The following AGBL4 variants were observed in gnomAD, a reference collection of about 807,000 sequenced individuals.
AGBL4 encodes the protein cytosolic carboxypeptidase 6.
A neutral mutation model predicts 66.4 loss-of-function variants in AGBL4; 58 were observed. That is an observed-to-expected ratio of 0.87 (90% CI 0.71 to 1.09). AGBL4 has a LOEUF of 1.09. AGBL4 is among the 50% of genes least tolerant of loss of function. AGBL4 has a pLI of 0.00. For missense variants in AGBL4, 579 were observed against 631.0 expected, an observed-to-expected ratio of 0.92 and a Z score of 0.88; for synonymous variants, 234 against 222.9, an observed-to-expected ratio of 1.05 and a Z score of -0.44.
chr1:49,861,271 C>T (rs1031305726), intron 1 of AGBL4, among the ~76,000 whole-genome samples: 6 of 152,124 alleles, frequency 3.9e-5, no homozygotes, highest in Non-Finnish European at 8.8e-5. Flanking sequence ...GGAAGGGGCA[C>T]GTGAGATACT....
chr1:49,071,147 A>C (rs1000075864), intron 4 of AGBL4, among the ~76,000 whole-genome samples: 1 of 151,692 alleles, frequency 6.6e-6, no homozygotes, highest in Non-Finnish European at 1.5e-5. Flanking sequence ...CTTCTTTATT[A>C]GTCTGGCTTG....
At chr1:48,597,241 C>A (rs1480648785) in intron 9 of AGBL4, among the ~76,000 whole-genome samples, 2 of 152,182 alleles carry the variant, frequency 1.3e-5, no homozygotes, top group Non-Finnish European at 2.9e-5. Flanking sequence ...CTTATTCATT[C>A]ATCCATTCAT....
chr1:48,825,507 AC>A (rs1240999364), intron 6 of AGBL4, among the ~76,000 whole-genome samples: 1 of 152,162 alleles, frequency 6.6e-6, no homozygotes, highest in Non-Finnish European at 1.5e-5. Flanking sequence ...ATTGTTTAAT[AC>A]TTTCCACCTT....
At chr1:49,876,987 G>C (rs1302509332) in intron 1 of AGBL4, among the ~76,000 whole-genome samples, 8 of 151,616 alleles carry the variant, frequency 5.3e-5, no homozygotes, top group Non-Finnish European at 8.8e-5. Context: ...AGGAATGCTT[G>C]TGATTTTTGT....
chr1:49,807,959 A>G (rs966981933), intron 2 of AGBL4, among the ~76,000 whole-genome samples: 1 of 152,228 alleles, frequency 6.6e-6, no homozygotes, highest in Non-Finnish European at 1.5e-5. Flanking sequence ...ACCAGATGTC[A>G]AATCTGCCAA....
chr1:48,645,801 G>A (rs769738021), intron 8 of AGBL4, among the ~76,000 whole-genome samples: 6 of 152,092 alleles, frequency 3.9e-5, no homozygotes, highest in Non-Finnish European at 8.8e-5. Flanking sequence ...TCCTTCAGTC[G>A]TGGACACCCC....
intron 11 of AGBL4, among the ~76,000 whole-genome samples, chr1:48,551,211 G>C (rs1434403199): frequency 5.9e-5 from 9 of 152,182 alleles, no homozygotes; most frequent in African/African-American, 2.2e-4. Flanking sequence ...CGTTGTGCAT[G>C]TATTTAGAAG....
At chr1:48,911,445 G>C (rs1012194177) in intron 5 of AGBL4, among the ~76,000 whole-genome samples, 1 of 151,784 alleles carries the variant, frequency 6.6e-6, no homozygotes, top group Non-Finnish European at 1.5e-5. Context: ...GTGAAACCCC[G>C]TCTCTACTAA....
At chr1:49,062,024 T>C (rs1644411652) in intron 4 of AGBL4, among the ~76,000 whole-genome samples, 1 of 152,168 alleles carries the variant, frequency 6.6e-6, no homozygotes, top group East Asian at 1.9e-4. Flanking sequence ...GCGGTGGCAT[T>C]AGATTCTCAT....
Position 49,323,445 on chromosome 1 carries a change from C to A in AGBL4, c.283-77581G>T, listed in dbSNP as rs963128881. 3.8e-5 allele frequency among the ~76,000 whole-genome samples: 5 copies of A among 129,988 alleles called. No homozygotes were observed. The Admixed American group carries it at 4.3e-4, about 11-fold the overall frequency. 85.3% of individuals were successfully genotyped at this position (129,988 alleles called of 152,430 possible). The stretch of plus-strand genomic sequence containing the variant: ...TACAGGCGCACGCCGCCATGCCTGG[C>A]TAATTTTTTTTTTTTTTTTTTTTTT... On this transcript the variant is annotated intron_variant, in intron 3 of 13. Transcript: ENST00000371839.
chr1:49,910,903 G>C (rs1650757082), intron 1 of AGBL4, among the ~76,000 whole-genome samples: 1 of 152,164 alleles, frequency 6.6e-6, no homozygotes, highest in Admixed American at 6.5e-5. Flanking sequence ...TTGAACCTAG[G>C]AGATGGAGGT....
At chr1:49,854,000 C>T (rs554611734) in intron 1 of AGBL4, among the ~76,000 whole-genome samples, 1 of 152,046 alleles carries the variant, frequency 6.6e-6, no homozygotes, top group East Asian at 1.9e-4. Context: ...AAATTAAGAG[C>T]TCCAGAAATG....
intron 1 of AGBL4, among the ~76,000 whole-genome samples, chr1:49,877,496 C>G (rs1306200638): frequency 4.6e-5 from 7 of 150,618 alleles, no homozygotes; most frequent in East Asian, 1.9e-4. Flanking sequence ...GCCTTGCATC[C>G]CAGGGATGAA....
At chr1:49,163,878 A>C (rs1646584819) in intron 4 of AGBL4, among the ~76,000 whole-genome samples, 1 of 152,286 alleles carries the variant, frequency 6.6e-6, no homozygotes, top group Admixed American at 6.6e-5. Context: ...TTCTGGGTCT[A>C]TGGATTAACC....
intron 2 of AGBL4, among the ~76,000 whole-genome samples, chr1:49,836,884 T>C (rs1011274688): frequency 2.0e-5 from 3 of 152,152 alleles, no homozygotes; most frequent in Admixed American, 6.5e-5. Context: ...TCCAGACCCA[T>C]TTGCCTGAGT....
intron 4 of AGBL4, among the ~76,000 whole-genome samples, chr1:49,227,292 A>C (rs924586363): frequency 6.6e-6 from 1 of 152,178 alleles, no homozygotes; most frequent in Non-Finnish European, 1.5e-5. Flanking sequence ...TTGATACACA[A>C]TAGGCATTCA....
At chr1:48,768,027 G>T (rs1397725606) in intron 6 of AGBL4, among the ~76,000 whole-genome samples, 2 of 152,126 alleles carry the variant, frequency 1.3e-5, no homozygotes, top group African/African-American at 4.8e-5. Context: ...GAAGTGAAGT[G>T]GCTTTCATAA....
intron 3 of AGBL4, among the ~76,000 whole-genome samples, chr1:49,625,017 G>T (rs1645438230): frequency 6.6e-6 from 1 of 152,000 alleles, no homozygotes; most frequent in Non-Finnish European, 1.5e-5. Flanking sequence ...TGCTCACATA[G>T]GAGGGTCTCA....
At chr1:49,833,315 G>T (rs1286100964) in intron 2 of AGBL4, among the ~76,000 whole-genome samples, 1 of 150,366 alleles carries the variant, frequency 6.7e-6, no homozygotes, top group East Asian at 2.0e-4. Flanking sequence ...GATATGCGGC[G>T]TTATTTCTGA....
Sources: gnomAD v4.1 joint callset for allele counts (sites outside exome capture counted in the v4.1 genomes callset) on GRCh38, gnomAD v4.1.1 for gene constraint, MANE v1.5 for transcripts, NCBI Gene and HGNC (gene_info 2026-07-23, HGNC 2026-07-21) for gene names.